The following GALNTL6 variants were observed in gnomAD, a reference collection of about 807,000 sequenced individuals.
The protein encoded by GALNTL6 is polypeptide N-acetylgalactosaminyltransferase-like 6.
In GALNTL6, 46 loss-of-function variants were observed where a neutral mutation model predicts 73.7. That is an observed-to-expected ratio of 0.62 (90% confidence interval 0.49 to 0.80). The LOEUF (loss-of-function observed/expected upper bound fraction) is 0.80, where lower values mean the gene tolerates loss of function less well. GALNTL6 is among the 30% of genes least tolerant of loss of function. The probability of loss-of-function intolerance (pLI) is 0.00; values close to 1 mark genes in which losing one functional copy is unlikely to be tolerated. For synonymous variants in GALNTL6, 259 were observed against 263.7 expected (o/e 0.98, Z 0.17); for missense variants, 604 against 755.0 (o/e 0.80, Z 2.34).
chr4:172,777,390 G>GT (rs1739131752), intron 5 of GALNTL6, among the ~76,000 whole-genome samples: 1 of 152,074 alleles, frequency 6.6e-6, no homozygotes, highest in South Asian at 2.1e-4. Context: ...CATGGCCACT[G>GT]TATTTTTCCC....
intron 2 of GALNTL6, chr4:172,052,659 G>T: frequency 1.8e-6 from 1 of 568,316 alleles, no homozygotes. Context: ...TTTCTTTTGT[G>T]ATCACTTTTG....
At chr4:171,917,145 A>C (rs1269705281) in intron 2 of GALNTL6, among the ~76,000 whole-genome samples, 1 of 152,084 alleles carries the variant, frequency 6.6e-6, no homozygotes, top group Non-Finnish European at 1.5e-5. Flanking sequence ...GTAATTTCCT[A>C]AGTGTGATTA....
intron 12 of GALNTL6, among the ~76,000 whole-genome samples, chr4:173,033,129 T>C (rs917314680): frequency 6.6e-6 from 1 of 152,168 alleles, no homozygotes; most frequent in South Asian, 2.1e-4. Flanking sequence ...GCTTCCCAAG[T>C]AGCTGGGATT....
intron 3 of GALNTL6, among the ~76,000 whole-genome samples, chr4:172,297,403 T>C (rs57184979): frequency 0.03 from 4,633 of 152,220 alleles, 221 homozygotes; most frequent in African/African-American, 0.1. Context: ...CCATTGCTTT[T>C]GGTGTTTTAG....
chr4:172,436,809 C>T (rs1475131459), intron 5 of GALNTL6, among the ~76,000 whole-genome samples: 1 of 152,102 alleles, frequency 6.6e-6, no homozygotes, highest in Non-Finnish European at 1.5e-5. Flanking sequence ...TTTCCTCAGG[C>T]TCCTCCTTTA....
chr4:172,337,181 C>T (rs1741363980), intron 4 of GALNTL6, among the ~76,000 whole-genome samples: 1 of 152,012 alleles, frequency 6.6e-6, no homozygotes, highest in African/African-American at 2.4e-5. Flanking sequence ...AGATGGTTCT[C>T]TTGAAGACAG....
chr4:172,412,200 C>T (rs745328550), intron 5 of GALNTL6, among the ~76,000 whole-genome samples: 6 of 152,034 alleles, frequency 3.9e-5, no homozygotes, highest in Non-Finnish European at 7.4e-5. Flanking sequence ...CATGGCATCA[C>T]TCTTGGTTAA....
At chr4:171,972,110 A>G (rs1439058252) in intron 2 of GALNTL6, among the ~76,000 whole-genome samples, 1 of 152,178 alleles carries the variant, frequency 6.6e-6, no homozygotes, top group Non-Finnish European at 1.5e-5. Flanking sequence ...ATGTTTGTTA[A>G]TATCCCGTTG....
In GALNTL6 at chr4:172,699,877, T is replaced by C. The variant is rs78996211; in HGVS notation, c.554-109484T>C. On this transcript the variant is annotated intron_variant, in intron 5 of 12. Transcript: ENST00000506823. The stretch of plus-strand genomic sequence containing the variant: ...AGGAACTATTTTTTCCTTAAAAGGA[T>C]AGACCAAATATCAATAAAGAAGCAG... Among the ~76,000 whole-genome samples, 3,568 of 152,262 alleles carry C rather than the reference T, an allele frequency of 0.023. 172 individuals carry two copies. In the South Asian group the frequency reaches 0.24, roughly 10 times the overall value.
intron 3 of GALNTL6, among the ~76,000 whole-genome samples, chr4:172,288,804 G>A: frequency 6.6e-6 from 1 of 152,004 alleles, no homozygotes; most frequent in East Asian, 1.9e-4. Context: ...TGGCTGAATT[G>A]GACATAGAGT....
At chr4:172,479,786 GA>G (rs1268432070) in intron 5 of GALNTL6, among the ~76,000 whole-genome samples, 1 of 149,932 alleles carries the variant, frequency 6.7e-6, no homozygotes, top group Admixed American at 6.6e-5. Flanking sequence ...CTAAAAATCT[GA>G]ATCTTATTAG....
At position 172,732,972 on chromosome 4, in the gene GALNTL6, T is replaced by C. The variant is rs1300171777; in HGVS notation, c.554-76389T>C. 2.6e-5 allele frequency among the ~76,000 whole-genome samples: 4 copies of C among 152,240 alleles called. No individual in the cohort carries two copies. The East Asian group carries it at 5.8e-4, about 22-fold the overall frequency. ...TAAATTTTTCTTTGGGATTTTATAC[T>C]AGAGTTATAGGTGGATGGCACACCA... is the stretch of plus-strand genomic sequence containing the variant. On this transcript the variant is annotated intron_variant, in intron 5 of 12. Transcript: ENST00000506823.
intron 2 of GALNTL6, among the ~76,000 whole-genome samples, chr4:172,113,584 T>C (rs979037795): frequency 1.3e-5 from 2 of 152,114 alleles, no homozygotes; most frequent in African/African-American, 4.8e-5. Flanking sequence ...ACACTGTGAA[T>C]GCTGCTTTGA....
At chr4:172,773,243 A>T (rs1738880182) in intron 5 of GALNTL6, among the ~76,000 whole-genome samples, 1 of 152,132 alleles carries the variant, frequency 6.6e-6, no homozygotes, top group African/African-American at 2.4e-5. Flanking sequence ...TCTGTCACCC[A>T]GCCTGCAGTA....
At chr4:171,988,002 C>T (rs544497336) in intron 2 of GALNTL6, among the ~76,000 whole-genome samples, 17 of 152,082 alleles carry the variant, frequency 1.1e-4, no homozygotes, top group East Asian at 5.8e-4. Flanking sequence ...AAAGTATATG[C>T]GTCAGGTATG....
In GALNTL6 at chr4:172,463,036, T is replaced by C. The variant is rs566146005; in HGVS notation, c.553+114347T>C. Among the ~76,000 whole-genome samples the C allele has an allele frequency of 2.4e-3, 373 of 152,334 alleles. 2 individuals are homozygous for C. Among genetic ancestry groups the C allele is most frequent in the African/African-American group, 8.5e-3 (354 of 41,574 alleles). On this transcript the variant is annotated intron_variant, in intron 5 of 12. Transcript: ENST00000506823. ...GTTACAGTTCCTTTTTAGATCATTA[T>C]AAGATATCTAAAACCTGATTTGGTT... is the stretch of plus-strand genomic sequence containing the variant.
At chr4:172,479,840 A>G (rs1482136252) in intron 5 of GALNTL6, among the ~76,000 whole-genome samples, 1 of 152,246 alleles carries the variant, frequency 6.6e-6, no homozygotes, top group East Asian at 1.9e-4. Flanking sequence ...TATAAGTAAC[A>G]CAGGATTTTC....
At chr4:172,101,860 T>C (rs1014797522) in intron 2 of GALNTL6, among the ~76,000 whole-genome samples, 17 of 152,056 alleles carry the variant, frequency 1.1e-4, no homozygotes, top group Non-Finnish European at 2.4e-4. Flanking sequence ...TCCTAAAGTA[T>C]TTTAAAGTGA....
chr4:171,873,502 A>G (rs767053138), intron 2 of GALNTL6, among the ~76,000 whole-genome samples: 4 of 152,238 alleles, frequency 2.6e-5, no homozygotes, highest in African/African-American at 9.6e-5. Context: ...CTGTATACCC[A>G]TCATGCTCAG....
Sources: allele counts gnomAD v4.1 joint callset (sites outside exome capture counted in the v4.1 genomes callset), GRCh38; gene constraint gnomAD v4.1.1; transcripts MANE v1.5; gene names NCBI Gene and HGNC (gene_info 2026-07-23, HGNC 2026-07-21).